SPOCK3: variants seen among roughly 807,000 people sequenced by gnomAD.
SPOCK3 encodes the protein testican-3.
A neutral mutation model predicts 56.6 loss-of-function variants in SPOCK3; 30 were observed. The ratio of observed to expected loss-of-function variants is 0.53; its 90% CI spans 0.40 to 0.72. SPOCK3 has a LOEUF of 0.72. SPOCK3 is among the 30% of genes least tolerant of loss of function. The pLI, the probability that SPOCK3 is intolerant of heterozygous loss-of-function variation, is 0.00. For synonymous variants in SPOCK3, 196 were observed against 183.3 expected (o/e 1.07, Z -0.56); for missense variants, 527 against 530.0 (o/e 0.99, Z 0.06).
At chr4:166,993,311 C>T (rs963744695) in intron 4 of SPOCK3, among the ~76,000 whole-genome samples, 16 of 152,258 alleles carry the variant, frequency 1.1e-4, no homozygotes, top group Admixed American at 3.3e-4. Flanking sequence ...TCCCTTGAGG[C>T]GTCTAGTGCC....
chr4:167,123,876 GCTGGGACTA>G (rs1195067766), intron 2 of SPOCK3, among the ~76,000 whole-genome samples: 1 of 151,046 alleles, frequency 6.6e-6, no homozygotes, highest in Non-Finnish European at 1.5e-5. Context: ...CTCCCAAGTA[GCTGGGACTA>G]CAGGTGCATA....
chr4:166,746,300 C>G lies in SPOCK3; in HGVS notation c.932-4241G>C, dbSNP rs1390520761. On this transcript the variant is annotated intron_variant, in intron 8 of 10. Transcript: ENST00000357545. ...GATCATAACAAACTGTCTCTCAGAC[C>G]ACAGTGCAATCAAATTAGAACTCAG... is the stretch of plus-strand genomic sequence containing the variant. Among the ~76,000 whole-genome samples the G allele has an allele frequency of 3.3e-5, 5 of 152,284 alleles. No individual in the cohort carries two copies. In the East Asian group the frequency reaches 9.6e-4, roughly 29 times the overall value.
intron 4 of SPOCK3, among the ~76,000 whole-genome samples, chr4:166,982,977 T>C (rs893862580): frequency 1.3e-5 from 2 of 152,200 alleles, no homozygotes; most frequent in African/African-American, 4.8e-5. Flanking sequence ...TCAATGAGTA[T>C]AAGTGGAGAT....
chr4:167,134,549 A>G (rs1276786687), intron 2 of SPOCK3, among the ~76,000 whole-genome samples: 1 of 152,162 alleles, frequency 6.6e-6, no homozygotes, highest in African/African-American at 2.4e-5. Context: ...GGCTTTACCA[A>G]ATATGATTGT....
At chr4:167,089,823 CT>C (rs1758544819) in intron 2 of SPOCK3, among the ~76,000 whole-genome samples, 1 of 152,078 alleles carries the variant, frequency 6.6e-6, no homozygotes, top group Non-Finnish European at 1.5e-5. Context: ...TTTGTGAAAA[CT>C]GATCTGTTTT....
At chr4:166,945,027 C>T (rs546333370) in intron 4 of SPOCK3, among the ~76,000 whole-genome samples, 1 of 152,260 alleles carries the variant, frequency 6.6e-6, no homozygotes, top group African/African-American at 2.4e-5. Flanking sequence ...TTCACGCTGA[C>T]TTCTGTGTTC....
intron 3 of SPOCK3, among the ~76,000 whole-genome samples, chr4:167,060,780 G>T (rs1371240803): frequency 1.3e-5 from 2 of 151,900 alleles, no homozygotes; most frequent in African/African-American, 4.8e-5. Context: ...CAGGTTTGGG[G>T]GTTCAGACTG....
intron 4 of SPOCK3, among the ~76,000 whole-genome samples, chr4:166,919,412 G>A (rs142040365): frequency 2.6e-4 from 40 of 152,154 alleles, no homozygotes; most frequent in African/African-American, 9.4e-4. Flanking sequence ...TTTAAGTGGT[G>A]GGCATATTCA....
At chr4:167,028,421 A>T (rs1442650903) in intron 3 of SPOCK3, among the ~76,000 whole-genome samples, 1 of 151,892 alleles carries the variant, frequency 6.6e-6, no homozygotes, top group Non-Finnish European at 1.5e-5. Flanking sequence ...ATAATCCTGC[A>T]TGTGTACTAT....
At chr4:167,050,337 C>T (rs1466583192) in intron 3 of SPOCK3, among the ~76,000 whole-genome samples, 1 of 152,066 alleles carries the variant, frequency 6.6e-6, no homozygotes, top group Non-Finnish European at 1.5e-5. Flanking sequence ...CATAAAATAA[C>T]AAATTTTGGA....
At chr4:166,735,545 T>C (rs1315491630) in intron 10 of SPOCK3, among the ~76,000 whole-genome samples, 7 of 152,038 alleles carry the variant, frequency 4.6e-5, no homozygotes, top group Admixed American at 4.6e-4. Context: ...ATTGGAGAGA[T>C]TATCCTGAAT....
intron 2 of SPOCK3, among the ~76,000 whole-genome samples, chr4:167,162,698 C>G (rs1166976921): frequency 6.6e-6 from 1 of 152,000 alleles, no homozygotes; most frequent in Admixed American, 6.6e-5. Flanking sequence ...CGGTCTGCCT[C>G]CACTGCATAA....
At chr4:166,799,894 G>T (rs1742355382) in intron 6 of SPOCK3, among the ~76,000 whole-genome samples, 1 of 151,994 alleles carries the variant, frequency 6.6e-6, no homozygotes, top group African/African-American at 2.4e-5. Context: ...TAAAAAGTAT[G>T]AAAATGGCCG....
intron 4 of SPOCK3, among the ~76,000 whole-genome samples, chr4:166,932,517 T>C (rs1385186390): frequency 6.6e-6 from 1 of 152,140 alleles, no homozygotes; most frequent in African/African-American, 2.4e-5. Flanking sequence ...TAAACAAACT[T>C]TCTTTAAGAA....
At position 166,969,750 on chromosome 4, in the gene SPOCK3, A is replaced by C. The variant is rs554156145; in HGVS notation, c.350+30599T>G. On this transcript the variant is annotated intron_variant, in intron 4 of 10. Transcript: ENST00000357545. ...TACCCAGTCTCAAGTAGTCATTTAT[A>C]GCAGGGTGAGAATAGACTAATACAG... Among the ~76,000 whole-genome samples, 4 of 152,294 alleles carry C rather than the reference A, an allele frequency of 2.6e-5. No individual in the cohort carries two copies. The South Asian group carries it at 8.3e-4, about 32-fold the overall frequency.
chr4:167,156,417 ATATGTACAC>A (rs1411601097), intron 2 of SPOCK3, among the ~76,000 whole-genome samples: 2 of 152,180 alleles, frequency 1.3e-5, no homozygotes, highest in African/African-American at 2.4e-5. Flanking sequence ...GTCTGCACAC[ATATGTACAC>A]ATGCAAAACT....
intron 8 of SPOCK3, among the ~76,000 whole-genome samples, chr4:166,751,257 C>T (rs62355160): frequency 0.05 from 7,550 of 152,166 alleles, 252 homozygotes; most frequent in Non-Finnish European, 0.075. Context: ...ATTAATCCCC[C>T]ATGCACTACA....
intron 6 of SPOCK3, among the ~76,000 whole-genome samples, chr4:166,860,815 A>ATATATATATATATATG (rs1182314094): frequency 6.2e-5 from 9 of 144,626 alleles, no homozygotes; most frequent in African/African-American, 1.5e-4. Flanking sequence ...ATATATATAT[A>ATATATATATATATATG]TGTATATATA....
intron 6 of SPOCK3, among the ~76,000 whole-genome samples, chr4:166,872,840 G>A (rs1297728862): frequency 6.6e-6 from 1 of 152,056 alleles, no homozygotes; most frequent in Non-Finnish European, 1.5e-5. Flanking sequence ...GTTCAAAATT[G>A]GGCATCTGTA....
Sources: gnomAD v4.1 joint callset for allele counts (sites outside exome capture counted in the v4.1 genomes callset) on GRCh38, gnomAD v4.1.1 for gene constraint, MANE v1.5 for transcripts, NCBI Gene and HGNC (gene_info 2026-07-23, HGNC 2026-07-21) for gene names.